COL23A1: variants seen among roughly 807,000 people sequenced by gnomAD.
The protein encoded by COL23A1 is collagen type XXIII alpha 1 chain, also known as collagen alpha-1(XXIII) chain.
COL23A1 carries 97 observed loss-of-function variants against 99.3 expected under a neutral mutation model. The observed-to-expected ratio is 0.98, with a 90% CI of 0.83 to 1.16. The LOEUF (loss-of-function observed/expected upper bound fraction) is 1.16, where lower values mean the gene tolerates loss of function less well. COL23A1 is among the 50% of genes most tolerant of loss of function. The pLI is 0.00. For missense variants in COL23A1, 762 were observed against 757.4 expected, an observed-to-expected ratio of 1.01 and a Z score of -0.07; for synonymous variants, 320 against 308.2, an observed-to-expected ratio of 1.04 and a Z score of -0.40.
chr5:178,298,962 G>A (rs1757892384), intron 3 of COL23A1, among the ~76,000 whole-genome samples: 1 of 152,190 alleles, frequency 6.6e-6, no homozygotes, highest in South Asian at 2.1e-4. Context: ...TCAATAATAT[G>A]ATGTACTGCA....
At chr5:178,397,368 G>A (rs1764207402) in intron 2 of COL23A1, among the ~76,000 whole-genome samples, 1 of 152,218 alleles carries the variant, frequency 6.6e-6, no homozygotes, top group Non-Finnish European at 1.5e-5. Context: ...AAGGATTTAA[G>A]GACCCACAGC....
At chr5:178,343,059 C>G (rs935253485) in intron 2 of COL23A1, among the ~76,000 whole-genome samples, 1 of 152,222 alleles carries the variant, frequency 6.6e-6, no homozygotes, top group African/African-American at 2.4e-5. Context: ...ACTTTGCACC[C>G]TGAATTTTAC....
intron 18 of COL23A1, 110 bp downstream of exon 18, chr5:178,249,951 T>C: frequency 1.5e-6 from 2 of 1,369,092 alleles, no homozygotes; most frequent in Non-Finnish European, 2.1e-6. Context: ...TTCTCACACA[T>C]GGTGTTTCTC....
intron 25 of COL23A1, 71 bp downstream of exon 25, chr5:178,245,871 G>C (rs1581438280): frequency 6.4e-7 from 1 of 1,554,086 alleles, no homozygotes; most frequent in Non-Finnish European, 8.9e-7. Flanking sequence ...AGCCAGATCA[G>C]GTTACTGCAT....
At chr5:178,381,737 G>C (rs1231488494) in intron 2 of COL23A1, among the ~76,000 whole-genome samples, 1 of 152,202 alleles carries the variant, frequency 6.6e-6, no homozygotes, top group East Asian at 1.9e-4. Flanking sequence ...CCCGGCTCAG[G>C]CAATCCTCCC....
intron 2 of COL23A1, among the ~76,000 whole-genome samples, chr5:178,548,231 A>G (rs944154260): frequency 2.6e-4 from 40 of 151,568 alleles, no homozygotes; most frequent in African/African-American, 9.7e-4. Flanking sequence ...CACTGTGACA[A>G]ATGCCCACTC....
rs1760268237 is a variant in COL23A1, at chr5:178,525,753, ACACT to A, written c.361+34925_361+34928del. Among the ~76,000 whole-genome samples the A allele has an allele frequency of 5.3e-5, 8 of 152,370 alleles. No homozygotes were observed. In the South Asian group the frequency reaches 1.7e-3, roughly 32 times the overall value. Reference sequence around the variant, plus strand: ...CCAGGACCCGAAGGCTTTATCTAAAACACTCAGTGCAAAATGGAAAAAGATAATG... The same window carrying A: ...CCAGGACCCGAAGGCTTTATCTAAAACAGTGCAAAATGGAAAAAGATAATG... On this transcript the variant is annotated intron_variant, in intron 2 of 28. Transcript: ENST00000390654.
chr5:178,363,919 T>A (rs577539511), intron 2 of COL23A1, among the ~76,000 whole-genome samples: 10 of 152,316 alleles, frequency 6.6e-5, no homozygotes, highest in Non-Finnish European at 1.3e-4. Flanking sequence ...ATGGGATTTG[T>A]CACACGTGGT....
In COL23A1 at chr5:178,502,217, T is replaced by C. The variant is rs190182668; in HGVS notation, c.361+58465A>G. ...CGTGATCTCGGCCCACTGCAAGCTC[T>C]GCCTCCCAGGTTCACGCCATTCTCC... On this transcript the variant is annotated intron_variant, in intron 2 of 28. Coordinates refer to ENST00000390654, the MANE Select transcript of COL23A1 (RefSeq NM_173465.4). 3.8e-3 allele frequency among the ~76,000 whole-genome samples: 575 copies of C among 152,288 alleles called. 7 individuals carry two copies. Among genetic ancestry groups the C allele is most frequent in the South Asian group, 0.031 (148 of 4,822 alleles).
At chr5:178,555,897 C>G (rs1269561260) in intron 2 of COL23A1, among the ~76,000 whole-genome samples, 1 of 152,182 alleles carries the variant, frequency 6.6e-6, no homozygotes, top group Non-Finnish European at 1.5e-5. Flanking sequence ...CCTGCAGGAA[C>G]CTGTGTTTGC....
At chr5:178,382,375 T>C (rs148111002) in intron 2 of COL23A1, among the ~76,000 whole-genome samples, 93 of 152,240 alleles carry the variant, frequency 6.1e-4, no homozygotes, top group African/African-American at 2.2e-3. Context: ...CTAGTGTTAA[T>C]ATATATGGAC....
intron 1 of COL23A1, among the ~76,000 whole-genome samples, chr5:178,571,388 A>AT (rs1763087112): frequency 6.6e-6 from 1 of 152,068 alleles, no homozygotes; most frequent in Non-Finnish European, 1.5e-5. Flanking sequence ...AAATAAATAA[A>AT]AAATAAAATA....
At chr5:178,580,424 A>G (rs1763604214) in intron 1 of COL23A1, among the ~76,000 whole-genome samples, 1 of 151,800 alleles carries the variant, frequency 6.6e-6, no homozygotes, top group African/African-American at 2.4e-5. Context: ...TATAGCCTCT[A>G]GAAGTACGCC....
At chr5:178,564,449 C>T (rs1271254315) in intron 1 of COL23A1, among the ~76,000 whole-genome samples, 1 of 151,558 alleles carries the variant, frequency 6.6e-6, no homozygotes, top group Non-Finnish European at 1.5e-5. Flanking sequence ...CCTTTGTGTC[C>T]AGGTTTGTAA....
chr5:178,288,440 C>T, intron 4 of COL23A1, 90 bp from the exon 5 acceptor site: 2 of 1,118,352 alleles, frequency 1.8e-6, no homozygotes, highest in South Asian at 1.2e-5. Flanking sequence ...AGACCCACAC[C>T]CGCCCCCCGA....
At chr5:178,580,398 AC>A (rs902288461) in intron 1 of COL23A1, among the ~76,000 whole-genome samples, 6 of 151,176 alleles carry the variant, frequency 4.0e-5, no homozygotes, top group Admixed American at 3.3e-4. Flanking sequence ...CATGGGACGC[AC>A]ACAGTTGTTT....
chr5:178,306,726 G>A lies in COL23A1; in HGVS notation c.406+149C>T. ...CTGGGTGCTGCGGCCTCAGGAAACG[G>A]CAGCTGGACTTGGAAGGGGGAGGAG... On this transcript the variant is annotated intron_variant, in intron 3 of 28. Transcript: ENST00000390654. This position sits in a 1 kb window ranked among gnomAD's most constrained non-coding sequence, Gnocchi z 4.1. 1 of 512,762 alleles carries A rather than the reference G, an allele frequency of 2.0e-6. No homozygotes were observed. Among genetic ancestry groups the A allele is most frequent in the Non-Finnish European group, 3.4e-6 (1 of 295,498 alleles). 31.8% of individuals were successfully genotyped at this position (512,762 alleles called of 1,614,324 possible).
intron 2 of COL23A1, among the ~76,000 whole-genome samples, chr5:178,483,055 G>C (rs766079136): frequency 2.6e-5 from 4 of 152,010 alleles, no homozygotes; most frequent in African/African-American, 4.8e-5. Flanking sequence ...CTGGGAAACA[G>C]AGTAAGACTC....
intron 2 of COL23A1, among the ~76,000 whole-genome samples, chr5:178,391,688 C>G (rs1040540355): frequency 1.3e-5 from 2 of 152,020 alleles, no homozygotes; most frequent in Non-Finnish European, 2.9e-5. Flanking sequence ...GCTCAAATGG[C>G]TTCACACAGA....
Sources: gnomAD v4.1 joint callset for allele counts (sites outside exome capture counted in the v4.1 genomes callset) on GRCh38, gnomAD v4.1.1 for gene constraint, Gnocchi (gnomAD v3.1) non-coding constraint, MANE v1.5 for transcripts, NCBI Gene and HGNC (gene_info 2026-07-23, HGNC 2026-07-21) for gene names.